The following PTPRQ variants were observed in gnomAD, a reference collection of about 807,000 sequenced individuals.
PTPRQ encodes phosphatidylinositol phosphatase PTPRQ.
Under a neutral mutation model 246.0 loss-of-function variants are expected in PTPRQ, and 199 were observed. The ratio of observed to expected loss-of-function variants is 0.81; its 90% CI spans 0.72 to 0.91. The LOEUF is 0.91. Among genes scored for constraint, PTPRQ ranks in the 40% least tolerant of loss-of-function variants. The pLI is 0.00. For synonymous variants in PTPRQ, 869 were observed against 853.2 expected (o/e 1.02, Z -0.32); for missense variants, 2,624 against 2,528.4 (o/e 1.04, Z -0.81).
intron 17 of PTPRQ, among the ~76,000 whole-genome samples, chr12:80,532,971 G>C (rs571343911): frequency 1.6e-4 from 24 of 152,002 alleles, no homozygotes; most frequent in African/African-American, 5.8e-4. Context: ...ATGATTCAAG[G>C]CTTCAAATAT....
chr12:80,677,386 C>A (rs1433713980), intron 43 of PTPRQ, among the ~76,000 whole-genome samples: 1 of 152,250 alleles, frequency 6.6e-6, no homozygotes, highest in Non-Finnish European at 1.5e-5. Context: ...AAATTGAATT[C>A]TATAAACTAG....
At chr12:80,521,638 T>G (rs1225931978) in intron 17 of PTPRQ, among the ~76,000 whole-genome samples, 6 of 152,058 alleles carry the variant, frequency 3.9e-5, no homozygotes, top group East Asian at 1.9e-4. Flanking sequence ...CCCATTGCTT[T>G]TTTTTGTCAG....
intron 42 of PTPRQ, among the ~76,000 whole-genome samples, chr12:80,671,215 T>C (rs1315086382): frequency 1.3e-5 from 2 of 152,086 alleles, no homozygotes; most frequent in African/African-American, 4.8e-5. Flanking sequence ...TTATAAAATA[T>C]ATGAACAATG....
chr12:80,469,788 A>G (rs73145121), intron 7 of PTPRQ, among the ~76,000 whole-genome samples: 27,269 of 152,184 alleles, frequency 0.18, 2,597 homozygotes, highest in Middle Eastern at 0.22. Flanking sequence ...ACACAGCTAC[A>G]TCTTTTCTGT....
At chr12:80,674,534 A>G (rs1176580894) in intron 43 of PTPRQ, among the ~76,000 whole-genome samples, 8 of 152,158 alleles carry the variant, frequency 5.3e-5, no homozygotes, top group Admixed American at 4.6e-4. Context: ...GAGATATCCA[A>G]ACTTTTTGGA....
chr12:80,478,626 GA>G (rs943546004), intron 8 of PTPRQ, among the ~76,000 whole-genome samples: 2 of 152,042 alleles, frequency 1.3e-5, no homozygotes, highest in African/African-American at 2.4e-5. Context: ...TGAAAACTGT[GA>G]AAAAAATTTA....
intron 33 of PTPRQ, among the ~76,000 whole-genome samples, chr12:80,628,534 AT>A (rs1899293992): frequency 6.6e-6 from 1 of 152,184 alleles, no homozygotes; most frequent in Non-Finnish European, 1.5e-5. Flanking sequence ...GTGCTTAATA[AT>A]TTTTATATTC....
At chr12:80,545,605 G>A (rs6539525) in intron 23 of PTPRQ, among the ~76,000 whole-genome samples, 144,513 of 151,722 alleles carry the variant, frequency 0.95, 69,051 homozygotes, top group Non-Finnish European at 0.99. Flanking sequence ...ATGAGAAAGC[G>A]TATTCCTCCT....
chr12:80,521,991 T>G (rs1044216928), intron 17 of PTPRQ, among the ~76,000 whole-genome samples: 1 of 152,228 alleles, frequency 6.6e-6, no homozygotes, highest in Non-Finnish European at 1.5e-5. Context: ...CTTCCTACCA[T>G]GAGCATGGGA....
intron 25 of PTPRQ, among the ~76,000 whole-genome samples, chr12:80,563,207 C>A (rs1472315907): frequency 6.6e-6 from 1 of 152,132 alleles, no homozygotes. Flanking sequence ...AGTCTGGAAG[C>A]TGGAAAGTCC....
intron 6 of PTPRQ, among the ~76,000 whole-genome samples, chr12:80,464,048 G>T (rs945508339): frequency 1.3e-5 from 2 of 151,824 alleles, no homozygotes; most frequent in African/African-American, 2.4e-5. Context: ...TGGACTAAAT[G>T]CTCCAATTAA....
At chr12:80,607,749 A>G (rs755815169) in intron 27 of PTPRQ, among the ~76,000 whole-genome samples, 13 of 151,050 alleles carry the variant, frequency 8.6e-5, no homozygotes, top group Non-Finnish European at 1.9e-4. Context: ...TTAAAAGTGT[A>G]AACAAAAATT....
chr12:80,606,968 C>CA (rs1322506074), intron 27 of PTPRQ, among the ~76,000 whole-genome samples: 16 of 150,290 alleles, frequency 1.1e-4, no homozygotes, highest in South Asian at 8.3e-4. Context: ...CTTAAAGGAA[C>CA]AAAAAAAATA....
intron 9 of PTPRQ, among the ~76,000 whole-genome samples, chr12:80,489,425 C>T (rs1244303493): frequency 6.6e-6 from 1 of 151,972 alleles, no homozygotes; most frequent in Non-Finnish European, 1.5e-5. Flanking sequence ...CACTCTGTAA[C>T]ACACAGTAGC....
chr12:80,619,577 T>C, intron 31 of PTPRQ, 35 bp downstream of exon 31: 1 of 1,476,370 alleles, frequency 6.8e-7, no homozygotes, highest in African/African-American at 1.4e-5. Flanking sequence ...TGTTAAATTG[T>C]GGAGTGTAGA....
chr12:80,477,563 G>A (rs1667956306), intron 8 of PTPRQ, among the ~76,000 whole-genome samples: 1 of 152,206 alleles, frequency 6.6e-6, no homozygotes, highest in Non-Finnish European at 1.5e-5. Flanking sequence ...CCAGTCTACA[G>A]CTCCCAGCGT....
chr12:80,542,536 G>A (rs1896187059), intron 22 of PTPRQ, among the ~76,000 whole-genome samples, 172 bp downstream of exon 22: 1 of 151,878 alleles, frequency 6.6e-6, no homozygotes, highest in Non-Finnish European at 1.5e-5. Context: ...AGAATTTCCT[G>A]TTCTGTTTAA....
intron 3 of PTPRQ, chr12:80,454,656 G>A (rs888761908): frequency 1.6e-6 from 1 of 635,126 alleles, no homozygotes; most frequent in Non-Finnish European, 2.8e-6. Context: ...TGCCTACTTT[G>A]TTGAGGGTTT....
intron 25 of PTPRQ, among the ~76,000 whole-genome samples, chr12:80,563,567 G>A (rs2120927482): frequency 6.6e-6 from 1 of 152,300 alleles, no homozygotes; most frequent in South Asian, 2.1e-4. Flanking sequence ...TACCACTCTA[G>A]TAGAGAAAGG....
Sources: gnomAD v4.1 joint callset for allele counts (sites outside exome capture counted in the v4.1 genomes callset) on GRCh38, gnomAD v4.1.1 for gene constraint, MANE v1.5 for transcripts, NCBI Gene and HGNC (gene_info 2026-07-23, HGNC 2026-07-21) for gene names.